Variants in ZMYND11 observed in about 807,000 individuals in gnomAD.
ZMYND11 encodes zinc finger MYND-type containing 11, also known as zinc finger MYND domain-containing protein 11.
Under a neutral mutation model 84.9 loss-of-function variants are expected in ZMYND11, and 9 were observed. That is an observed-to-expected ratio of 0.11 (90% CI 0.06 to 0.18). The LOEUF is 0.18. Among genes scored for constraint, ZMYND11 ranks in the 10% least tolerant of loss-of-function variants. The pLI, the probability that ZMYND11 is intolerant of heterozygous loss-of-function variation, is 1.00. For missense variants in ZMYND11, 409 were observed against 761.0 expected, an observed-to-expected ratio of 0.54 and a Z score of 5.44; for synonymous variants, 250 against 244.1, an observed-to-expected ratio of 1.02 and a Z score of -0.23.
At chr10:221,071 A>G in intron 3 of ZMYND11, 124 bp from the exon 4 acceptor site, 6 of 844,254 alleles carry the variant, frequency 7.1e-6, no homozygotes, top group Admixed American at 2.4e-5. Context: ...TTGTTTTAAC[A>G]CAGTAAATGT....
intron 14 of ZMYND11, chr10:249,878 T>C (rs1323800761): frequency 1.3e-6 from 1 of 745,652 alleles, no homozygotes; most frequent in East Asian, 1.3e-4. Context: ...GACAAAGATT[T>C]GGCAAGAAGG....
chr10:223,614 T>C lies in ZMYND11; in HGVS notation c.438+2258T>C, dbSNP rs546629763. Among the ~76,000 whole-genome samples, 8 of 152,154 alleles carry C rather than the reference T, an allele frequency of 5.3e-5. No individual in the cohort carries two copies. In the East Asian group the frequency reaches 1.2e-3, roughly 22 times the overall value. On this transcript the variant is annotated intron_variant, in intron 4 of 14. Coordinates refer to ENST00000381604, the MANE Select transcript of ZMYND11 (RefSeq NM_001370100.5). ...TGTTTTCTAGGGTGAGGATGGAGAG[T>C]TTTATCTTGAGCTTTAAATTTTCCA...
chr10:234,947 C>A (rs1229601312), intron 4 of ZMYND11, among the ~76,000 whole-genome samples: 1 of 150,854 alleles, frequency 6.6e-6, no homozygotes, highest in Non-Finnish European at 1.5e-5. Context: ...TTACTGTGGT[C>A]TAGTGTACAA....
chr10:188,109 T>C (rs1384392323), intron 2 of ZMYND11, among the ~76,000 whole-genome samples: 1 of 152,186 alleles, frequency 6.6e-6, no homozygotes, highest in Admixed American at 6.5e-5. Flanking sequence ...TTTGTGTAAT[T>C]TGAATAGGTA....
At chr10:207,967 G>T (rs1039388161) in intron 2 of ZMYND11, among the ~76,000 whole-genome samples, 80 of 152,246 alleles carry the variant, frequency 5.3e-4, no homozygotes, top group Non-Finnish European at 9.0e-4. Context: ...CAATGGAACA[G>T]AACGGAGCCC....
chr10:169,009 T>A (rs1173391440), intron 1 of ZMYND11, among the ~76,000 whole-genome samples: 1 of 152,154 alleles, frequency 6.6e-6, no homozygotes, highest in Non-Finnish European at 1.5e-5. Context: ...CTCCTTGTGC[T>A]TCTTGGAGCG....
At chr10:234,946 T>A (rs1253554234) in intron 4 of ZMYND11, among the ~76,000 whole-genome samples, 1 of 151,498 alleles carries the variant, frequency 6.6e-6, no homozygotes, top group Non-Finnish European at 1.5e-5. Flanking sequence ...TTTACTGTGG[T>A]CTAGTGTACA....
chr10:247,460 A>G lies in ZMYND11; in HGVS notation c.1221A>G (p.Lys407=). 1 of 1,614,062 alleles carries G rather than the reference A, an allele frequency of 6.2e-7. No individual in the cohort carries two copies. The highest frequency in any genetic ancestry group is 8.5e-7 in the Non-Finnish European group (1 of 1,179,952). Residue 407 remains lysine (K), a synonymous_variant, in exon 12 of 15, where the codon AAA becomes AAG. Coordinates refer to ENST00000381604, the MANE Select transcript of ZMYND11 (RefSeq NM_001370100.5). The part of the protein sequence containing the change: ...KGRRNQSVEP[K]KEEPEPETEA... Reference sequence around the variant, plus strand: ...GACGTAATCAAAGTGTGGAGCCCAAAAAGGAAGTAAGTTGCCCACCTCGCA... The same window carrying G: ...GACGTAATCAAAGTGTGGAGCCCAAGAAGGAAGTAAGTTGCCCACCTCGCA...
chr10:245,160 T>A (rs1256215914), intron 10 of ZMYND11, among the ~76,000 whole-genome samples: 3 of 152,234 alleles, frequency 2.0e-5, no homozygotes, highest in Non-Finnish European at 4.4e-5. Context: ...TCAGTTTACT[T>A]TGATATGGTT....
At chr10:206,831 T>A (rs779680518) in intron 2 of ZMYND11, among the ~76,000 whole-genome samples, 12 of 152,102 alleles carry the variant, frequency 7.9e-5, no homozygotes, top group Non-Finnish European at 1.3e-4. Context: ...TTTTAATTTT[T>A]ATTTTTTTAA....
rs1174384581 is a variant in ZMYND11 at position 210,005 on chromosome 10, C to T, written c.233C>T (p.Ala78Val). ...ACAGTGGGCTGCAAAGGTTCAAAAG[C>T]TGGTATTGAACAAGAAGGATATTGG... ...TLTVGCKGSK[A>V]GIEQEGYWLP... The change falls in exon 3 of 15, where the codon GCT becomes GTT. Residue 78 changes from alanine to valine, a missense_variant. Physicochemically the swap from Ala to Val is moderately conservative, Grantham distance 64. This residue lies in a region of ZMYND11 where 73 missense variants were observed against 185.8 expected (regional missense o/e 0.39). Coordinates refer to ENST00000381604, the MANE Select transcript of ZMYND11 (RefSeq NM_001370100.5). 1 of 1,613,900 alleles carries T rather than the reference C, an allele frequency of 6.2e-7. No homozygotes were observed. Among genetic ancestry groups the T allele is most frequent in the Non-Finnish European group, 8.5e-7 (1 of 1,179,982 alleles).
chr10:200,349 C>CATATATGTGT (rs1159030472), intron 2 of ZMYND11, among the ~76,000 whole-genome samples: 2 of 140,676 alleles, frequency 1.4e-5, no homozygotes, highest in African/African-American at 5.4e-5. Context: ...AACATATATA[C>CATATATGTGT]ATATATGTGT....
chr10:186,882 C>G (rs1174932769), intron 2 of ZMYND11, among the ~76,000 whole-genome samples: 2 of 152,042 alleles, frequency 1.3e-5, no homozygotes, highest in East Asian at 3.9e-4. Flanking sequence ...GTCACAATAT[C>G]TCCCCAAGAA....
intron 6 of ZMYND11, among the ~76,000 whole-genome samples, 159 bp from the exon 7 acceptor site, chr10:239,279 G>A (rs1477651917): frequency 2.0e-5 from 3 of 152,224 alleles, no homozygotes; most frequent in South Asian, 2.1e-4. Context: ...CGCAGGTGGC[G>A]TTGTTGGCTT....
intron 14 of ZMYND11, chr10:249,426 G>A (rs978382781): frequency 3.0e-6 from 3 of 985,356 alleles, no homozygotes; most frequent in Non-Finnish European, 3.6e-6. Context: ...GGTGATTTCA[G>A]ATGGGTAACA....
chr10:139,093 A>C (rs1836856375), intron 1 of ZMYND11, among the ~76,000 whole-genome samples: 1 of 152,218 alleles, frequency 6.6e-6, no homozygotes, highest in Non-Finnish European at 1.5e-5. Flanking sequence ...GGCATGAGCC[A>C]CTGTGCCTGG....
Position 252,596 on chromosome 10 carries a change from G to C in ZMYND11, c.*126G>C. On this transcript the variant is annotated 3_prime_UTR_variant, in exon 15 of 15. Transcript: ENST00000381604. This position sits in a 1 kb window ranked among gnomAD's most constrained non-coding sequence, Gnocchi z 4.6. Reference sequence around the variant, plus strand: ...GCACCAGCCTTTAAACACTTTTCGTGAAGAAATTTTGCACAGTAGTTTAAA... The same window carrying C: ...GCACCAGCCTTTAAACACTTTTCGTCAAGAAATTTTGCACAGTAGTTTAAA... 1 of 1,374,730 alleles carries C rather than the reference G, an allele frequency of 7.3e-7. No homozygotes were observed. The highest frequency in any genetic ancestry group is 2.5e-5 in the East Asian group (1 of 39,430). The allele number at this position is 1,374,730 out of a possible 1,614,324, so 85.2% of individuals were successfully genotyped here.
At chr10:233,047 T>TC (rs1949274379) in intron 4 of ZMYND11, among the ~76,000 whole-genome samples, 1 of 152,238 alleles carries the variant, frequency 6.6e-6, no homozygotes, top group African/African-American at 2.4e-5. Flanking sequence ...CGTGCGCTTG[T>TC]CCGTGTTTAC....
At position 196,379 on chromosome 10, in the gene ZMYND11, A is replaced by T. The variant is rs189687802; in HGVS notation, c.117-13510A>T. Reference sequence around the variant, plus strand: ...GAGAAGACCTAGTTATTTGGCTTTTAATTCTTTTTCTCCAACAAACTGGAT... The same window carrying T: ...GAGAAGACCTAGTTATTTGGCTTTTTATTCTTTTTCTCCAACAAACTGGAT... On this transcript the variant is annotated intron_variant, in intron 2 of 14. Transcript: ENST00000381604. Among the ~76,000 whole-genome samples the T allele has an allele frequency of 3.0e-3, 457 of 152,284 alleles. No individual in the cohort carries two copies. In the Middle Eastern group the frequency reaches 0.031, roughly 10 times the overall value.
Sources: allele counts gnomAD v4.1 joint callset (sites outside exome capture counted in the v4.1 genomes callset), GRCh38; gene constraint gnomAD v4.1.1; regional missense constraint gnomAD v4.1.1; non-coding constraint Gnocchi (gnomAD v3.1); transcripts MANE v1.5; gene names NCBI Gene and HGNC (gene_info 2026-07-23, HGNC 2026-07-21).